Variants in ROBO2 observed in about 807,000 individuals in gnomAD.
ROBO2 encodes roundabout guidance receptor 2.
Under a neutral mutation model 160.8 loss-of-function variants are expected in ROBO2, and 53 were observed. The ratio of observed to expected loss-of-function variants is 0.33; its 90% CI spans 0.26 to 0.41. ROBO2 has a LOEUF of 0.41. ROBO2 is among the 10% of genes least tolerant of loss of function. ROBO2 has a pLI of 1.00. For missense variants in ROBO2, 1,577 were observed against 1,722.4 expected (o/e 0.92, Z 1.49); for synonymous variants, 664 against 611.7 (o/e 1.09, Z -1.26).
chr3:77,231,946 T>C (rs2087273063), intron 2 of ROBO2, among the ~76,000 whole-genome samples: 1 of 152,244 alleles, frequency 6.6e-6, no homozygotes, highest in Non-Finnish European at 1.5e-5. Context: ...TTTCAAATTA[T>C]TGACTATCCT....
At chr3:77,163,599 G>T (rs7430540) in intron 2 of ROBO2, among the ~76,000 whole-genome samples, 1 of 152,188 alleles carries the variant, frequency 6.6e-6, no homozygotes, top group South Asian at 2.1e-4. Context: ...TTCCATTGTC[G>T]CATGCTACAG....
intron 2 of ROBO2, among the ~76,000 whole-genome samples, chr3:77,098,663 C>G (rs189616172): frequency 6.6e-6 from 1 of 151,766 alleles, no homozygotes; most frequent in Non-Finnish European, 1.5e-5. Flanking sequence ...CTGGGTAACA[C>G]GGTGAAACCC....
intron 2 of ROBO2, among the ~76,000 whole-genome samples, chr3:76,221,617 G>A (rs764872438): frequency 3.3e-5 from 5 of 152,206 alleles, no homozygotes; most frequent in South Asian, 2.1e-4. Context: ...TGGCCCAGCT[G>A]TGTAAGGTAT....
chr3:76,165,883 G>T (rs2106953413), intron 2 of ROBO2, among the ~76,000 whole-genome samples: 1 of 152,194 alleles, frequency 6.6e-6, no homozygotes, highest in Admixed American at 6.5e-5. Flanking sequence ...AAAAATGCAA[G>T]GTGAAGCAGC....
chr3:76,391,071 G>A (rs1362525196), intron 2 of ROBO2, among the ~76,000 whole-genome samples: 1 of 151,900 alleles, frequency 6.6e-6, no homozygotes, highest in Non-Finnish European at 1.5e-5. Flanking sequence ...TAAATAGCAA[G>A]CATTCAATTA....
At chr3:76,512,278 A>G (rs1328528728) in intron 2 of ROBO2, among the ~76,000 whole-genome samples, 2 of 149,346 alleles carry the variant, frequency 1.3e-5, no homozygotes, top group African/African-American at 4.9e-5. Flanking sequence ...TTATATATAT[A>G]TATGGAATAA....
chr3:76,360,271 A>G (rs1326057344), intron 2 of ROBO2, among the ~76,000 whole-genome samples: 1 of 152,086 alleles, frequency 6.6e-6, no homozygotes, highest in Non-Finnish European at 1.5e-5. Context: ...AGTAAAGAAA[A>G]CAATAAGTTT....
intron 2 of ROBO2, among the ~76,000 whole-genome samples, chr3:76,122,556 C>A (rs1437242378): frequency 6.6e-6 from 1 of 151,782 alleles, no homozygotes; most frequent in African/African-American, 2.4e-5. Context: ...AAAATATGAC[C>A]AATTTTTAAA....
intron 2 of ROBO2, among the ~76,000 whole-genome samples, chr3:76,611,607 G>T (rs572789982): frequency 2.0e-5 from 3 of 152,096 alleles, no homozygotes; most frequent in African/African-American, 7.2e-5. Context: ...TGTAGTATCA[G>T]TTGTAATGTT....
chr3:76,679,486 T>C (rs1193029570), intron 2 of ROBO2, among the ~76,000 whole-genome samples: 1 of 152,136 alleles, frequency 6.6e-6, no homozygotes, highest in Non-Finnish European at 1.5e-5. Flanking sequence ...TGTAGTTATA[T>C]AAATATAAAA....
intron 2 of ROBO2, among the ~76,000 whole-genome samples, chr3:76,693,155 GTC>G (rs1280533308): frequency 3.5e-5 from 5 of 143,676 alleles, no homozygotes; most frequent in African/African-American, 7.8e-5. Context: ...ACATACATAA[GTC>G]TCTCTCTCTA....
At chr3:76,700,644 C>A (rs2093028512) in intron 2 of ROBO2, among the ~76,000 whole-genome samples, 1 of 152,112 alleles carries the variant, frequency 6.6e-6, no homozygotes, top group Non-Finnish European at 1.5e-5. Flanking sequence ...GAAACTGCTT[C>A]CTTTGAGGAC....
rs532997234 is a variant in ROBO2, at chr3:76,044,346, G to A, written c.109+106744G>A. 4.6e-5 allele frequency among the ~76,000 whole-genome samples: 7 copies of A among 152,084 alleles called. No homozygotes were observed. In the East Asian group the frequency reaches 1.2e-3, roughly 25 times the overall value. On this transcript the variant is annotated intron_variant, in intron 2 of 26. Transcript: ENST00000487694. Reference sequence around the variant, plus strand: ...AAGAAGCACAGGTTTTTAAATAGAAGAGAAGCAATGTTGAATAAAGAGTAT... The same window carrying A: ...AAGAAGCACAGGTTTTTAAATAGAAAAGAAGCAATGTTGAATAAAGAGTAT...
At chr3:76,335,691 C>T (rs1354894637) in intron 2 of ROBO2, among the ~76,000 whole-genome samples, 3 of 151,958 alleles carry the variant, frequency 2.0e-5, no homozygotes, top group Non-Finnish European at 4.4e-5. Context: ...CATTCTCCTG[C>T]CTCAGCCTCC....
intron 5 of ROBO2, among the ~76,000 whole-genome samples, chr3:77,510,296 A>G (rs1463826080): frequency 2.0e-5 from 3 of 152,122 alleles, no homozygotes; most frequent in Admixed American, 6.6e-5. Context: ...GAAGATATAG[A>G]CAAGCAACTT....
intron 2 of ROBO2, among the ~76,000 whole-genome samples, chr3:77,408,182 T>G (rs1320514022): frequency 6.6e-6 from 1 of 152,166 alleles, no homozygotes. Flanking sequence ...CTTTTAGATT[T>G]CACTAAATAG....
At chr3:76,559,445 T>C (rs1425418978) in intron 2 of ROBO2, among the ~76,000 whole-genome samples, 1 of 152,076 alleles carries the variant, frequency 6.6e-6, no homozygotes, top group Non-Finnish European at 1.5e-5. Flanking sequence ...CAACCAATGT[T>C]TGAAAATTCG....
rs576813639 is a variant in ROBO2, at chr3:75,912,395, TG to T, written c.-14+5437del. Among the ~76,000 whole-genome samples, 245 of 152,280 alleles carry T rather than the reference TG, an allele frequency of 1.6e-3. 1 individual carries two copies. Among genetic ancestry groups the T allele is most frequent in the Non-Finnish European group, 2.2e-3 (151 of 68,014 alleles). On this transcript the variant is annotated intron_variant, in intron 1 of 26. Transcript: ENST00000487694. ...ATAAATATAATGGAGGGTTGAGAAG[TG>T]GTTTATTTTTACCAAGAGGAAAAAT...
intron 2 of ROBO2, among the ~76,000 whole-genome samples, chr3:76,604,473 C>T (rs992879425): frequency 2.6e-5 from 4 of 152,110 alleles, no homozygotes; most frequent in Non-Finnish European, 5.9e-5. Context: ...ATGAAAATCA[C>T]CTTTTTTACC....
Sources: gnomAD v4.1 joint callset for allele counts (sites outside exome capture counted in the v4.1 genomes callset) on GRCh38, gnomAD v4.1.1 for gene constraint, MANE v1.5 for transcripts, NCBI Gene and HGNC (gene_info 2026-07-23, HGNC 2026-07-21) for gene names.